ARHGAP26: variants seen among roughly 807,000 people sequenced by gnomAD.
ARHGAP26 encodes Rho GTPase activating protein 26.
ARHGAP26 carries 38 observed loss-of-function variants against 104.8 expected under a neutral mutation model. The observed-to-expected ratio is 0.36, with a 90% CI of 0.28 to 0.48. The LOEUF is 0.48. Among genes scored for constraint, ARHGAP26 ranks in the 20% least tolerant of loss-of-function variants. ARHGAP26 has a pLI of 0.99. For synonymous variants in ARHGAP26, 341 were observed against 340.0 expected, an observed-to-expected ratio of 1.00 and a Z score of -0.03; for missense variants, 704 against 947.9, an observed-to-expected ratio of 0.74 and a Z score of 3.38.
chr5:143,136,123 T>C (rs950949578), intron 19 of ARHGAP26, among the ~76,000 whole-genome samples: 8 of 152,186 alleles, frequency 5.3e-5, no homozygotes, highest in Admixed American at 4.6e-4. Flanking sequence ...GTGCTGGGTA[T>C]GTGGTTAGAA....
At chr5:143,141,025 C>T (rs1012990254) in intron 19 of ARHGAP26, among the ~76,000 whole-genome samples, 8 of 152,220 alleles carry the variant, frequency 5.3e-5, no homozygotes, top group Non-Finnish European at 8.8e-5. Flanking sequence ...CTCAGGTTGC[C>T]TTTGCAGATC....
intron 11 of ARHGAP26, among the ~76,000 whole-genome samples, chr5:143,012,563 A>ATATATATATATATATATATATATC (rs1779001769): frequency 1.3e-5 from 1 of 77,716 alleles, no homozygotes; most frequent in African/African-American, 3.6e-5. Context: ...ATATATATAT[A>ATATATATATATATATATATATATC]TATATATATA....
chr5:142,859,025 G>A (rs1752874997), intron 1 of ARHGAP26, among the ~76,000 whole-genome samples: 1 of 152,174 alleles, frequency 6.6e-6, no homozygotes, highest in Non-Finnish European at 1.5e-5. Context: ...AAGGCCAGTG[G>A]GGTGTGCAGA....
intron 1 of ARHGAP26, among the ~76,000 whole-genome samples, chr5:142,798,943 A>T (rs1399876384): frequency 2.0e-5 from 3 of 152,156 alleles, no homozygotes; most frequent in African/African-American, 7.2e-5. Flanking sequence ...CTGGCATTTG[A>T]GTGGTAACCT....
intron 1 of ARHGAP26, among the ~76,000 whole-genome samples, chr5:142,851,952 C>T (rs1483340331): frequency 1.3e-5 from 2 of 152,212 alleles, no homozygotes; most frequent in East Asian, 3.8e-4. Flanking sequence ...TACATAGGCA[C>T]ACAGTCCCTC....
chr5:142,778,044 G>A (rs759654192), intron 1 of ARHGAP26, among the ~76,000 whole-genome samples: 9 of 152,216 alleles, frequency 5.9e-5, no homozygotes, highest in East Asian at 1.9e-4. Flanking sequence ...TGATGGCACC[G>A]TGGGCTAGGG....
At chr5:142,944,244 CATA>C (rs1189634854) in intron 11 of ARHGAP26, among the ~76,000 whole-genome samples, 1 of 152,158 alleles carries the variant, frequency 6.6e-6, no homozygotes, top group African/African-American at 2.4e-5. Context: ...GCATTTTTGA[CATA>C]ATAATAGCTT....
chr5:143,118,204 A>G (rs1381826187), intron 17 of ARHGAP26, among the ~76,000 whole-genome samples: 1 of 152,266 alleles, frequency 6.6e-6, no homozygotes, highest in Non-Finnish European at 1.5e-5. Context: ...ACAAAGGCAG[A>G]GAGGTGTGGA....
chr5:142,781,191 A>G (rs1189613266), intron 1 of ARHGAP26, among the ~76,000 whole-genome samples: 1 of 152,188 alleles, frequency 6.6e-6, no homozygotes, highest in African/African-American at 2.4e-5. Context: ...ATCGAGCCCA[A>G]GGGGGCAGTG....
chr5:142,830,399 G>A (rs928197146), intron 1 of ARHGAP26, among the ~76,000 whole-genome samples: 5 of 152,050 alleles, frequency 3.3e-5, no homozygotes, highest in East Asian at 3.9e-4. Context: ...AATAAGTTGC[G>A]GTGGAGGGTA....
chr5:142,815,003 T>A (rs1019240372), intron 1 of ARHGAP26, among the ~76,000 whole-genome samples: 4 of 152,210 alleles, frequency 2.6e-5, no homozygotes, highest in Non-Finnish European at 5.9e-5. Flanking sequence ...CGGAATTACA[T>A]GATTTTTATC....
At chr5:143,176,120 GTAAA>G (rs35059079) in intron 20 of ARHGAP26, among the ~76,000 whole-genome samples, 2 of 151,908 alleles carry the variant, frequency 1.3e-5, no homozygotes, top group African/African-American at 4.8e-5. Context: ...TCTCAAATAA[GTAAA>G]TAAATAAATA....
At chr5:142,818,171 C>T (rs894321526) in intron 1 of ARHGAP26, among the ~76,000 whole-genome samples, 4 of 151,766 alleles carry the variant, frequency 2.6e-5, no homozygotes, top group African/African-American at 4.9e-5. Flanking sequence ...TTCCTTCCAC[C>T]GTGCCATGTG....
intron 1 of ARHGAP26, among the ~76,000 whole-genome samples, chr5:142,812,012 T>C (rs529988680): frequency 1.3e-5 from 2 of 152,310 alleles, no homozygotes; most frequent in Non-Finnish European, 1.5e-5. Flanking sequence ...ACTCATCACC[T>C]AGCTGCTGTG....
At chr5:142,975,654 C>G (rs576066985) in intron 11 of ARHGAP26, among the ~76,000 whole-genome samples, 1 of 152,084 alleles carries the variant, frequency 6.6e-6, no homozygotes, top group Non-Finnish European at 1.5e-5. Context: ...ATCTCCCAAT[C>G]GACAGTCAGT....
intron 11 of ARHGAP26, among the ~76,000 whole-genome samples, chr5:142,941,992 A>C (rs947837454): frequency 1.3e-5 from 2 of 152,136 alleles, no homozygotes; most frequent in Non-Finnish European, 2.9e-5. Flanking sequence ...AGGATCGGTC[A>C]CATTAACAGA....
chr5:143,222,193 C>G (rs1266120643), intron 22 of ARHGAP26, among the ~76,000 whole-genome samples, 165 bp from the exon 23 acceptor site: 1 of 151,814 alleles, frequency 6.6e-6, no homozygotes, highest in Non-Finnish European at 1.5e-5. Context: ...GTTTAAACTT[C>G]TAGAATGATG....
At chr5:143,026,790 G>A (rs1327386625) in intron 12 of ARHGAP26, among the ~76,000 whole-genome samples, 5 of 137,634 alleles carry the variant, frequency 3.6e-5, no homozygotes, top group Admixed American at 7.4e-5. Context: ...GGAATAAACC[G>A]TAGTGGGGTG....
chr5:143,200,960 G>A (rs1312502025), intron 20 of ARHGAP26, among the ~76,000 whole-genome samples: 1 of 152,174 alleles, frequency 6.6e-6, no homozygotes, highest in Non-Finnish European at 1.5e-5. Flanking sequence ...ACCACAGAAG[G>A]GTGTCAAGCT....
Sources: gnomAD v4.1 joint callset for allele counts (sites outside exome capture counted in the v4.1 genomes callset) on GRCh38, gnomAD v4.1.1 for gene constraint, MANE v1.5 for transcripts, NCBI Gene and HGNC (gene_info 2026-07-23, HGNC 2026-07-21) for gene names.